The following ASTN1 variants were observed in gnomAD, a reference collection of about 807,000 sequenced individuals.
ASTN1 encodes the protein astrotactin-1.
A neutral mutation model predicts 140.7 loss-of-function variants in ASTN1; 41 were observed. The observed-to-expected ratio is 0.29, with a 90% CI of 0.23 to 0.38. ASTN1 has a LOEUF of 0.38. ASTN1 is among the 10% of genes least tolerant of loss of function. The probability of loss-of-function intolerance (pLI) is 1.00; values close to 1 mark genes in which losing one functional copy is unlikely to be tolerated. For missense variants in ASTN1, 1,479 were observed against 1,678.8 expected (o/e 0.88, Z 2.08); for synonymous variants, 640 against 652.2 (o/e 0.98, Z 0.29).
chr1:177,011,350 T>C (rs1675279938), intron 8 of ASTN1, among the ~76,000 whole-genome samples: 2 of 152,190 alleles, frequency 1.3e-5, no homozygotes, highest in South Asian at 2.1e-4. Context: ...TTAGATTTCA[T>C]TGCAATTACT....
chr1:176,949,984 A>G (rs1358315987), intron 11 of ASTN1, among the ~76,000 whole-genome samples: 1 of 152,170 alleles, frequency 6.6e-6, no homozygotes, highest in Admixed American at 6.5e-5. Context: ...TACCTACTAT[A>G]TGGTCACCCA....
At chr1:177,116,457 G>C (rs11576931) in intron 1 of ASTN1, among the ~76,000 whole-genome samples, 1 of 152,056 alleles carries the variant, frequency 6.6e-6, no homozygotes, top group African/African-American at 2.4e-5. Flanking sequence ...TTAGGTAACA[G>C]TTTCCTTCCC....
intron 3 of ASTN1, among the ~76,000 whole-genome samples, chr1:177,031,655 A>G (rs1423540095): frequency 6.6e-6 from 1 of 152,234 alleles, no homozygotes; most frequent in African/African-American, 2.4e-5. Flanking sequence ...AGCCCCACTG[A>G]AAGTCTATAT....
chr1:177,149,395 A>G (rs1245911243), intron 1 of ASTN1, among the ~76,000 whole-genome samples: 1 of 76,896 alleles, frequency 1.3e-5, no homozygotes, highest in African/African-American at 7.3e-5. Flanking sequence ...TATATATAGT[A>G]TATATATAGT....
intron 8 of ASTN1, among the ~76,000 whole-genome samples, chr1:177,010,429 T>G (rs1436807108): frequency 6.6e-6 from 1 of 152,232 alleles, no homozygotes; most frequent in Non-Finnish European, 1.5e-5. Flanking sequence ...ATGATTGATT[T>G]TGTTGCCAAC....
intron 11 of ASTN1, 28 bp from the exon 12 acceptor site, chr1:176,949,379 C>T (rs1278932245): frequency 1.9e-6 from 3 of 1,598,734 alleles, no homozygotes; most frequent in Non-Finnish European, 2.6e-6. Flanking sequence ...CATCCACATA[C>T]GTGGGTGAAT....
chr1:177,088,391 A>G (rs1679579283), intron 1 of ASTN1, among the ~76,000 whole-genome samples: 1 of 152,126 alleles, frequency 6.6e-6, no homozygotes, highest in South Asian at 2.1e-4. Context: ...GAGGCAGTTT[A>G]CTTAAGCTGG....
intron 16 of ASTN1, among the ~76,000 whole-genome samples, chr1:176,906,544 A>C (rs1179195370): frequency 6.6e-6 from 1 of 152,170 alleles, no homozygotes; most frequent in Non-Finnish European, 1.5e-5. Context: ...TTTTGCTTAC[A>C]CAGGAGGAAG....
At chr1:177,112,501 G>C (rs2102158005) in intron 1 of ASTN1, among the ~76,000 whole-genome samples, 1 of 152,322 alleles carries the variant, frequency 6.6e-6, no homozygotes, top group South Asian at 2.1e-4. Flanking sequence ...TCAGACCGGG[G>C]ACATTGACTC....
chr1:177,019,783 A>G (rs1170377731), intron 7 of ASTN1, among the ~76,000 whole-genome samples: 2 of 152,222 alleles, frequency 1.3e-5, no homozygotes, highest in African/African-American at 4.8e-5. Context: ...TCTTCCATAG[A>G]TTCCTGATAC....
chr1:177,025,002 C>A (rs1184690026), intron 5 of ASTN1, among the ~76,000 whole-genome samples: 1 of 152,184 alleles, frequency 6.6e-6, no homozygotes, highest in African/African-American at 2.4e-5. Context: ...GGGCCAAGTT[C>A]ACAGGAGAAA....
intron 1 of ASTN1, among the ~76,000 whole-genome samples, chr1:177,108,536 T>C (rs1571795415): frequency 6.6e-6 from 1 of 152,128 alleles, no homozygotes; most frequent in Non-Finnish European, 1.5e-5. Context: ...AAATTCCTCT[T>C]TGAGGCTGAA....
intron 8 of ASTN1, among the ~76,000 whole-genome samples, chr1:176,971,042 A>G (rs980480421): frequency 6.2e-4 from 94 of 152,322 alleles, no homozygotes; most frequent in Non-Finnish European, 3.2e-4. Flanking sequence ...TCGGGGTCCC[A>G]GTATGGGATA....
At chr1:176,942,544 GC>G (rs1230511248) in intron 14 of ASTN1, among the ~76,000 whole-genome samples, 1 of 151,792 alleles carries the variant, frequency 6.6e-6, no homozygotes, top group African/African-American at 2.4e-5. Flanking sequence ...AATATCTTGG[GC>G]CCCCCAAATC....
At chr1:176,951,894 C>A (rs906940717) in intron 11 of ASTN1, among the ~76,000 whole-genome samples, 1 of 152,136 alleles carries the variant, frequency 6.6e-6, no homozygotes, top group African/African-American at 2.4e-5. Context: ...ATGTTATCTT[C>A]AACCCAATAA....
intron 1 of ASTN1, among the ~76,000 whole-genome samples, chr1:177,079,952 A>C (rs560065096): frequency 2.6e-5 from 4 of 152,160 alleles, no homozygotes; most frequent in Non-Finnish European, 5.9e-5. Context: ...TTCCACTTTG[A>C]GTATTTTCTC....
intron 8 of ASTN1, among the ~76,000 whole-genome samples, chr1:176,987,576 T>G (rs1673961846): frequency 6.6e-6 from 1 of 152,186 alleles, no homozygotes; most frequent in African/African-American, 2.4e-5. Flanking sequence ...CCTCTCTGCC[T>G]CTCCTGTCAG....
In ASTN1 at chr1:176,960,471, A is replaced by G. The variant is rs115876227; in HGVS notation, c.1599-1989T>C. 5.8e-3 allele frequency among the ~76,000 whole-genome samples: 879 copies of G among 152,312 alleles called. 14 individuals carry two copies. Among genetic ancestry groups the G allele is most frequent in the African/African-American group, 0.021 (858 of 41,570 alleles). On this transcript the variant is annotated intron_variant, in intron 9 of 22. Coordinates refer to ENST00000361833, the MANE Select transcript of ASTN1 (RefSeq NM_004319.3). ...TTTTAGGAAGCCGTTGGCAGTTCTG[A>G]TACATTTCTGATGGTTAATTTTTCT...
At chr1:177,150,598 A>T (rs1396318510) in intron 1 of ASTN1, among the ~76,000 whole-genome samples, 2 of 152,180 alleles carry the variant, frequency 1.3e-5, no homozygotes, top group Non-Finnish European at 2.9e-5. Context: ...GTGAAAGAGT[A>T]TGAGAAAGCT....
Sources: allele counts gnomAD v4.1 joint callset (sites outside exome capture counted in the v4.1 genomes callset), GRCh38; gene constraint gnomAD v4.1.1; transcripts MANE v1.5; gene names NCBI Gene and HGNC (gene_info 2026-07-23, HGNC 2026-07-21).